CAPN15: variants seen among roughly 807,000 people sequenced by gnomAD.
CAPN15 encodes calpain 15, also known as calpain-15.
Under a neutral mutation model 97.9 loss-of-function variants are expected in CAPN15, and 53 were observed. That is an observed-to-expected ratio of 0.54 (90% CI 0.43 to 0.68). The LOEUF (loss-of-function observed/expected upper bound fraction) is 0.68, where lower values mean the gene tolerates loss of function less well. Among genes scored for constraint, CAPN15 ranks in the 30% least tolerant of loss-of-function variants. The pLI is 0.00. For missense variants in CAPN15, 1,592 were observed against 1,589.8 expected, an observed-to-expected ratio of 1.00 and a Z score of -0.02; for synonymous variants, 922 against 722.5, an observed-to-expected ratio of 1.28 and a Z score of -4.43.
intron 7 of CAPN15, among the ~76,000 whole-genome samples, chr16:550,569 G>T (rs865961675): frequency 6.6e-6 from 1 of 151,702 alleles, no homozygotes; most frequent in South Asian, 2.1e-4. Context: ...TGAGGGCCCC[G>T]CTCAGCCATG....
chr16:529,576 G>T (rs913888483), intron 1 of CAPN15, among the ~76,000 whole-genome samples: 2 of 152,202 alleles, frequency 1.3e-5, no homozygotes, highest in Non-Finnish European at 2.9e-5. Flanking sequence ...AAAATCCTCC[G>T]GAACCACAGG....
rs1463999099 is a variant in CAPN15, at chr16:547,364, C to T, written c.526C>T (p.Arg176Trp). 7.7e-6 allele frequency: 12 copies of T among 1,551,214 alleles called. No homozygotes were observed. Among genetic ancestry groups the T allele is most frequent in the African/African-American group, 5.4e-5 (4 of 73,542 alleles). ...GGGCCCACGCAGGCTCTCGCTGCCA[C>T]GGATCCCTCCTGAGGCCCTGGTGGT... ...CGGPRRLSLP[R>W]IPPEALVVPE... The change falls in exon 4 of 14, where the codon CGG becomes TGG. Residue 176 changes from arginine (R) to tryptophan (W), a missense_variant. By Grantham distance (101) the Arg-to-Trp change is moderately radical (BLOSUM62 -3). Transcript: ENST00000219611.
chr16:547,554 T>G lies in CAPN15; in HGVS notation c.716T>G (p.Leu239Arg), dbSNP rs878898211. 1 of 1,596,038 alleles carries G rather than the reference T, an allele frequency of 6.3e-7. No homozygotes were observed. The highest frequency in any genetic ancestry group is 1.7e-5 in the Admixed American group (1 of 59,842). ...VPPFSPFSST[L>R]QNNPVPRSRR... ...CCCTTCAGCCCCTTCTCGTCCACCC[T>G]GCAGAACAACCCCGTGCCGCGCAGC... Residue 239 changes from leucine (L) to arginine (R), a missense_variant, in exon 4 of 14, where the codon CTG becomes CGG. Around this residue, in one of 3 missense-constraint regions of CAPN15, gnomAD observed 883 missense variants for 776.6 expected, o/e 1.14. Coordinates refer to ENST00000219611, the MANE Select transcript of CAPN15 (RefSeq NM_005632.3).
chr16:545,449 G>C (rs776417166), intron 3 of CAPN15, among the ~76,000 whole-genome samples: 1 of 152,122 alleles, frequency 6.6e-6, no homozygotes, highest in Non-Finnish European at 1.5e-5. Context: ...AGCCACAGAA[G>C]GGCCGTGGCC....
intron 2 of CAPN15, among the ~76,000 whole-genome samples, chr16:534,866 T>C (rs1288467543): frequency 6.6e-6 from 1 of 152,092 alleles, no homozygotes; most frequent in East Asian, 1.9e-4. Context: ...GTGGTTCCCA[T>C]GGTGGCAAGA....
chr16:531,308 C>T (rs1261357191), intron 1 of CAPN15, among the ~76,000 whole-genome samples: 4 of 152,222 alleles, frequency 2.6e-5, no homozygotes, highest in Non-Finnish European at 4.4e-5. Context: ...AAGTGATCTT[C>T]CTGCCTCAGC....
chr16:531,507 C>T (rs1453339305), intron 1 of CAPN15, among the ~76,000 whole-genome samples: 2 of 152,202 alleles, frequency 1.3e-5, no homozygotes, highest in African/African-American at 4.8e-5. Context: ...GAGTTCCTGC[C>T]CCTCCTGAAA....
In CAPN15 at chr16:554,391, C is replaced by A; in HGVS notation, c.*875C>A. ...CACTCCCGGCAGCGGGCCGGCCTCG[C>A]CCCCACTCCCCCTCCTACCCCGGCA... is the stretch of plus-strand genomic sequence containing the variant. On this transcript the variant is annotated 3_prime_UTR_variant, in exon 14 of 14. Transcript: ENST00000219611. The A allele has an allele frequency of 2.4e-6, 1 of 413,148 alleles. No homozygotes were observed. The highest frequency in any genetic ancestry group is 1.8e-5 in the South Asian group (1 of 57,076). 25.6% of individuals were successfully genotyped at this position (413,148 alleles called of 1,614,324 possible).
rs778499670 is a variant in CAPN15 at position 547,431 on chromosome 16, C to T, written c.593C>T (p.Ala198Val). 2 of 1,580,520 alleles carry T rather than the reference C, an allele frequency of 1.3e-6. No homozygotes were observed. The highest frequency in any genetic ancestry group is 1.1e-5 in the South Asian group (1 of 88,764). The change falls in exon 4 of 14, where the codon GCC becomes GTC. Residue 198 changes from alanine (A) to valine (V), a missense_variant. Transcript: ENST00000219611. ...VAPAGFHVVP[A>V]APPPGLPGEG... ...CCGGCCGGCTTCCACGTCGTGCCTG[C>T]CGCGCCTCCACCTGGCCTCCCCGGG...
intron 7 of CAPN15, among the ~76,000 whole-genome samples, chr16:550,836 G>A (rs1450670938): frequency 7.5e-6 from 1 of 133,366 alleles, no homozygotes; most frequent in Admixed American, 7.1e-5. Flanking sequence ...TGCCCCGTCG[G>A]TGATGGCCCC....
chr16:535,838 G>A lies in CAPN15; in HGVS notation c.-136-191G>A, dbSNP rs1045822887. ...GCCCGGGGGGCACATGCAGCTCACG[G>A]GAGCAGCACAGATGCTTGGCCGGCG... On this transcript the variant is annotated intron_variant, in intron 2 of 13. Coordinates refer to ENST00000219611, the MANE Select transcript of CAPN15 (RefSeq NM_005632.3). This position sits in a 1 kb window ranked among gnomAD's most constrained non-coding sequence, Gnocchi z 6.2. Among the ~76,000 whole-genome samples the A allele has an allele frequency of 2.0e-5, 3 of 152,264 alleles. No homozygotes were observed. Among genetic ancestry groups the A allele is most frequent in the Non-Finnish European group, 4.4e-5 (3 of 67,998 alleles).
At chr16:551,072 TCCCCGGTCGGTGAGGG>T (rs1567157705) in intron 7 of CAPN15, among the ~76,000 whole-genome samples, 218 of 9,256 alleles carry the variant, frequency 0.024, 5 homozygotes, top group African/African-American at 0.098. Flanking sequence ...GTCGGTGAGG[TCCCCGGTCGGTGAGGG>T]CCCCGGTCGG....
chr16:536,731 CT>C, intron 3 of CAPN15: 2 of 152,666 alleles, frequency 1.3e-5, no homozygotes, highest in South Asian at 2.1e-4. Flanking sequence ...GCCTGGGAGC[CT>C]TTTCCGTAGC....
intron 3 of CAPN15, 53 bp from the exon 4 acceptor site, chr16:546,764 T>G: frequency 6.7e-7 from 1 of 1,502,468 alleles, no homozygotes; most frequent in Non-Finnish European, 8.9e-7. Flanking sequence ...GAGGGTGGGG[T>G]CCAGCCACTC....
chr16:540,439 C>T, intron 3 of CAPN15: 2 of 787,370 alleles, frequency 2.5e-6, no homozygotes, highest in Non-Finnish European at 3.1e-6. Flanking sequence ...CAGGGTGCCC[C>T]CTCCTTGGCA....
In CAPN15 at chr16:552,285, G is replaced by A. The variant is rs370026235; in HGVS notation, c.2508-16G>A. ...CCGTGACCACGCGTGACCCTGGCCC[G>A]TGGTGTCTGGCGCAGGCGCTCGGAC... is the stretch of plus-strand genomic sequence containing the variant. On this transcript the variant is annotated splice_polypyrimidine_tract_variant and intron_variant, in intron 10 of 13. Transcript: ENST00000219611. This position sits in a 1 kb window ranked among gnomAD's most constrained non-coding sequence, Gnocchi z 6.4. 7.3e-5 allele frequency: 112 copies of A among 1,543,520 alleles called. No individual in the cohort carries two copies. Among genetic ancestry groups the A allele is most frequent in the African/African-American group, 6.8e-5 (5 of 73,134 alleles).
chr16:549,235 T>TGGGGG, intron 5 of CAPN15, 34 bp downstream of exon 5: 4 of 53,102 alleles, frequency 7.5e-5, no homozygotes, highest in Non-Finnish European at 6.2e-5. Context: ...GTGGGGCGGG[T>TGGGGG]GGGCGGGCGA....
At chr16:541,633 A>G (rs1217799942) in intron 3 of CAPN15, among the ~76,000 whole-genome samples, 2 of 150,268 alleles carry the variant, frequency 1.3e-5, no homozygotes, top group South Asian at 2.1e-4. Context: ...CTCACCTGTT[A>G]AAAGAGTGCA....
At chr16:540,465 A>T in intron 3 of CAPN15, 1 of 548,136 alleles carries the variant, frequency 1.8e-6, no homozygotes, top group Non-Finnish European at 2.3e-6. Flanking sequence ...GCTTGCAGAG[A>T]AGTGGGTCCC....
Sources: gnomAD v4.1 joint callset for allele counts (sites outside exome capture counted in the v4.1 genomes callset) on GRCh38, gnomAD v4.1.1 for gene constraint, gnomAD v4.1.1 regional missense constraint, Gnocchi (gnomAD v3.1) non-coding constraint, MANE v1.5 for transcripts, NCBI Gene and HGNC (gene_info 2026-07-23, HGNC 2026-07-21) for gene names.